The following PABPC4L variants were observed in gnomAD, a reference collection of about 807,000 sequenced individuals.
PABPC4L encodes polyadenylate-binding protein 4-like.
For missense variants in PABPC4L, 452 were observed against 451.4 expected, an observed-to-expected ratio of 1.00 and a Z score of -0.01; for synonymous variants, 169 against 164.1, an observed-to-expected ratio of 1.03 and a Z score of -0.23.
At chr4:134,157,775 T>C in the PABPC4L span, among the ~76,000 whole-genome samples, 3 of 151,836 alleles carry the variant, frequency 2.0e-5, no homozygotes, top group Non-Finnish European at 4.4e-5. Context: ...TTTTTTCAGG[T>C]CTGTCACTTA....
the PABPC4L span, among the ~76,000 whole-genome samples, chr4:133,954,279 T>G: frequency 2.6e-5 from 4 of 152,188 alleles, no homozygotes; most frequent in Non-Finnish European, 5.9e-5. Context: ...GGGTGAGCGC[T>G]CTTTACTACG....
the PABPC4L span, among the ~76,000 whole-genome samples, chr4:134,041,981 A>C: frequency 6.6e-6 from 1 of 152,192 alleles, no homozygotes; most frequent in Admixed American, 6.6e-5. Context: ...ATTGCAGCAC[A>C]GCTGACAATT....
the PABPC4L span, among the ~76,000 whole-genome samples, chr4:134,171,043 G>A: frequency 0.023 from 3,456 of 151,968 alleles, 130 homozygotes; most frequent in African/African-American, 0.078. Context: ...GGTGTGAGAC[G>A]GTATCTCATT....
At chr4:133,976,475 C>T in the PABPC4L span, among the ~76,000 whole-genome samples, 1 of 152,040 alleles carries the variant, frequency 6.6e-6, no homozygotes. Flanking sequence ...GGTTTATACC[C>T]AGTAAGGGGA....
chr4:133,996,163 A>G, the PABPC4L span, among the ~76,000 whole-genome samples: 50 of 152,052 alleles, frequency 3.3e-4, no homozygotes, highest in African/African-American at 1.2e-3. Context: ...TTTGCCAGAG[A>G]ATGGTGGGAC....
the PABPC4L span, among the ~76,000 whole-genome samples, chr4:134,101,002 A>T: frequency 0.023 from 3,552 of 151,524 alleles, 121 homozygotes; most frequent in African/African-American, 0.08. Context: ...TCCCATCAAA[A>T]ACAAATGTAT....
the PABPC4L span, among the ~76,000 whole-genome samples, chr4:134,046,026 G>A: frequency 6.6e-5 from 10 of 152,036 alleles, no homozygotes; most frequent in South Asian, 4.1e-4. Flanking sequence ...AGTATTTCTC[G>A]TCAGGTGGGA....
chr4:134,092,162 G>A, the PABPC4L span, among the ~76,000 whole-genome samples: 8 of 151,888 alleles, frequency 5.3e-5, no homozygotes, highest in African/African-American at 1.9e-4. Context: ...TGGGCCCACA[G>A]CCCTAAATGA....
the PABPC4L span, among the ~76,000 whole-genome samples, chr4:134,114,723 C>A: frequency 6.6e-6 from 1 of 151,750 alleles, no homozygotes; most frequent in Non-Finnish European, 1.5e-5. Flanking sequence ...CCTATTCAAA[C>A]TTTTATGTGA....
the PABPC4L span, among the ~76,000 whole-genome samples, chr4:134,123,208 C>A: frequency 4.6e-5 from 7 of 152,052 alleles, no homozygotes; most frequent in African/African-American, 1.7e-4. Context: ...ATCACTCATG[C>A]CTGAATTAAG....
the PABPC4L span, among the ~76,000 whole-genome samples, chr4:133,981,579 C>A: frequency 6.6e-6 from 1 of 152,018 alleles, no homozygotes; most frequent in Non-Finnish European, 1.5e-5. Flanking sequence ...TATAATACTT[C>A]GGTCTGTTGA....
chr4:134,013,124 C>T, the PABPC4L span, among the ~76,000 whole-genome samples: 1 of 152,020 alleles, frequency 6.6e-6, no homozygotes, highest in East Asian at 1.9e-4. Context: ...CCCCTTCTCT[C>T]TGTGTCTCTA....
chr4:134,097,345 A>G, the PABPC4L span, among the ~76,000 whole-genome samples: 1 of 151,910 alleles, frequency 6.6e-6, no homozygotes, highest in African/African-American at 2.4e-5. Flanking sequence ...GAGAAAGAAA[A>G]AAAGAATTTT....
chr4:134,192,411 T>C (rs186662747), downstream of PABPC4L, among the ~76,000 whole-genome samples: 13 of 152,248 alleles, frequency 8.5e-5, no homozygotes, highest in Middle Eastern at 3.4e-3. Flanking sequence ...CTCCTTGGCC[T>C]GAAGTTTTGT....
the PABPC4L span, among the ~76,000 whole-genome samples, chr4:134,120,284 C>T: frequency 2.0e-5 from 3 of 146,388 alleles, 1 homozygote; most frequent in Non-Finnish European, 3.0e-5. Context: ...TTCCTTTTAG[C>T]CATTCTAATG....
the PABPC4L span, among the ~76,000 whole-genome samples, chr4:134,080,941 T>C: frequency 1.3e-5 from 2 of 152,300 alleles, no homozygotes; most frequent in African/African-American, 4.8e-5. Flanking sequence ...AACAGACATG[T>C]ATGCTAAGTT....
the PABPC4L span, among the ~76,000 whole-genome samples, chr4:134,108,440 G>T: frequency 6.6e-6 from 1 of 151,774 alleles, no homozygotes; most frequent in Admixed American, 6.6e-5. Flanking sequence ...ACAGAAAATT[G>T]AACCCTTGGG....
the PABPC4L span, among the ~76,000 whole-genome samples, chr4:133,949,431 T>A: frequency 6.6e-6 from 1 of 152,312 alleles, no homozygotes; most frequent in Non-Finnish European, 1.5e-5. Context: ...ACTCGGGCTT[T>A]CTTTCACACC....
At chr4:134,124,068 CA>C in the PABPC4L span, among the ~76,000 whole-genome samples, 1 of 152,022 alleles carries the variant, frequency 6.6e-6, no homozygotes, top group African/African-American at 2.4e-5. Flanking sequence ...AATCAGAAAT[CA>C]GGGGTAATTC....
Sources: allele counts gnomAD v4.1 joint callset (sites outside exome capture counted in the v4.1 genomes callset), GRCh38; gene constraint gnomAD v4.1.1; transcripts MANE v1.5; gene names NCBI Gene and HGNC (gene_info 2026-07-23, HGNC 2026-07-21).